The following MAPRE2 variants were observed in gnomAD, a reference collection of about 807,000 sequenced individuals.
MAPRE2 encodes the protein microtubule associated protein RP/EB family member 2, also known as microtubule-associated protein RP/EB family member 2.
A neutral mutation model predicts 43.2 loss-of-function variants in MAPRE2; 13 were observed. The ratio of observed to expected loss-of-function variants is 0.30; its 90% confidence interval spans 0.20 to 0.48. The LOEUF is 0.48. Among genes scored for constraint, MAPRE2 ranks in the 20% least tolerant of loss-of-function variants. MAPRE2 has a pLI of 0.99. For missense variants in MAPRE2, 161 were observed against 400.2 expected (o/e 0.40, Z 5.10); for synonymous variants, 135 against 148.8 (o/e 0.91, Z 0.68).
At chr18:35,076,141 G>A (rs924246133) in intron 2 of MAPRE2, among the ~76,000 whole-genome samples, 5 of 152,064 alleles carry the variant, frequency 3.3e-5, no homozygotes, top group African/African-American at 1.2e-4. Flanking sequence ...CCACATCTTC[G>A]TTTATGTCCT....
At chr18:35,060,214 G>A (rs757837251) in intron 1 of MAPRE2, among the ~76,000 whole-genome samples, 1 of 152,150 alleles carries the variant, frequency 6.6e-6, no homozygotes, top group African/African-American at 2.4e-5. Context: ...CAGGGTAAGA[G>A]GGAACGAGGC....
intron 2 of MAPRE2, among the ~76,000 whole-genome samples, chr18:35,086,590 T>C (rs562473367): frequency 5.9e-5 from 9 of 152,120 alleles, no homozygotes; most frequent in African/African-American, 2.2e-4. Flanking sequence ...TTTCTAAAAC[T>C]TAATCTATAA....
intron 3 of MAPRE2, among the ~76,000 whole-genome samples, chr18:35,099,816 G>C (rs189867808): frequency 6.6e-6 from 1 of 151,972 alleles, no homozygotes; most frequent in Non-Finnish European, 1.5e-5. Flanking sequence ...TTTGTACTTG[G>C]TTTAGTTTCT....
rs1603389628 is a variant in MAPRE2 at position 35,009,754 on chromosome 18, T to A, written c.-8+4201T>A. Among the ~76,000 whole-genome samples, 4 of 152,218 alleles carry A rather than the reference T, an allele frequency of 2.6e-5. No individual in the cohort carries two copies. The South Asian group carries it at 8.3e-4, about 32-fold the overall frequency. On this transcript the variant is annotated intron_variant, in intron 2 of 7. Transcript: ENST00000413393. ...GATGATGGAAGTAAATCACTAAAAA[T>A]TGTGGGTTTCATTTGTGTTTTGTCT...
chr18:35,071,402 A>T (rs138621784), intron 2 of MAPRE2, among the ~76,000 whole-genome samples: 1 of 152,184 alleles, frequency 6.6e-6, no homozygotes, highest in African/African-American at 2.4e-5. Context: ...AAAACAAAAA[A>T]TATGCTGCTA....
At chr18:35,121,694 T>C (rs1355248027) in intron 4 of MAPRE2, among the ~76,000 whole-genome samples, 1 of 152,204 alleles carries the variant, frequency 6.6e-6, no homozygotes, top group Admixed American at 6.5e-5. Context: ...AAAGCTGTTA[T>C]GTAAATGTTT....
rs1250568948 is a variant in MAPRE2 at position 35,043,919 on chromosome 18, C to T, written c.122+2258C>T. 3.3e-5 allele frequency among the ~76,000 whole-genome samples: 5 copies of T among 152,196 alleles called. No homozygotes were observed. In the East Asian group the frequency reaches 9.7e-4, roughly 29 times the overall value. ...GGAAAAATGTGACACATTTTTCTATCCAGGAAGCATTCCATCATTATTTTG... is the reference window on the plus strand; with the variant it reads ...GGAAAAATGTGACACATTTTTCTATTCAGGAAGCATTCCATCATTATTTTG... On this transcript the variant is annotated intron_variant, in intron 1 of 6. Transcript: ENST00000300249.
At chr18:35,002,094 C>T (rs2097029667) in intron 1 of MAPRE2, among the ~76,000 whole-genome samples, 1 of 152,152 alleles carries the variant, frequency 6.6e-6, no homozygotes, top group South Asian at 2.1e-4. Flanking sequence ...CCCTCCAGCC[C>T]TCACCCCCTC....
At chr18:34,990,734 T>C (rs2097023340) in intron 1 of MAPRE2, among the ~76,000 whole-genome samples, 1 of 152,128 alleles carries the variant, frequency 6.6e-6, no homozygotes, top group Non-Finnish European at 1.5e-5. Context: ...TATTAAGATT[T>C]ATCAGGCTGG....
intron 2 of MAPRE2, among the ~76,000 whole-genome samples, chr18:35,014,062 A>T (rs1455912588): frequency 6.6e-6 from 1 of 152,106 alleles, no homozygotes; most frequent in Non-Finnish European, 1.5e-5. Context: ...AAGAGGGGAG[A>T]CCATAGCCCT....
intron 1 of MAPRE2, among the ~76,000 whole-genome samples, chr18:34,986,670 G>A (rs2097021179): frequency 6.6e-6 from 1 of 152,164 alleles, no homozygotes; most frequent in Admixed American, 6.5e-5. Context: ...TCCCTCTACA[G>A]TTGAAATGTT....
At chr18:35,007,729 G>C (rs1208598872) in intron 2 of MAPRE2, among the ~76,000 whole-genome samples, 2 of 152,142 alleles carry the variant, frequency 1.3e-5, no homozygotes, top group Non-Finnish European at 2.9e-5. Context: ...ATCCCTTCTG[G>C]GTTGCACCCT....
chr18:35,122,946 A>G (rs956587718), intron 4 of MAPRE2, among the ~76,000 whole-genome samples: 1 of 152,254 alleles, frequency 6.6e-6, no homozygotes, highest in Non-Finnish European at 1.5e-5. Flanking sequence ...GGAAGAAAAC[A>G]AAACAAAACC....
intron 4 of MAPRE2, among the ~76,000 whole-genome samples, chr18:35,106,243 A>C (rs1286816617): frequency 6.6e-6 from 1 of 152,122 alleles, no homozygotes; most frequent in African/African-American, 2.4e-5. Flanking sequence ...GTATCATCAA[A>C]AACAGGTGAT....
chr18:35,047,758 C>T (rs1048283210), intron 1 of MAPRE2, among the ~76,000 whole-genome samples: 17 of 150,966 alleles, frequency 1.1e-4, no homozygotes, highest in Non-Finnish European at 2.5e-4. Flanking sequence ...GTCAAATCTC[C>T]CCAAGTGAAT....
chr18:35,081,231 C>A (rs1907615635), intron 2 of MAPRE2, among the ~76,000 whole-genome samples: 1 of 152,046 alleles, frequency 6.6e-6, no homozygotes, highest in Non-Finnish European at 1.5e-5. Flanking sequence ...TTATTCCATT[C>A]TTTTATTTCT....
chr18:35,083,137 A>G (rs1164227389), intron 2 of MAPRE2, among the ~76,000 whole-genome samples: 1 of 152,170 alleles, frequency 6.6e-6, no homozygotes, highest in South Asian at 2.1e-4. Flanking sequence ...TCAGATTCTT[A>G]CCTTCTACTC....
Position 35,127,106 on chromosome 18 carries a change from C to T in MAPRE2, c.750+19C>T. 6.2e-7 allele frequency: 1 copy of T among 1,613,842 alleles called. No homozygotes were observed. Among genetic ancestry groups the T allele is most frequent in the South Asian group, 1.1e-5 (1 of 91,046 alleles). ...TGAACAGGTAATGCATCAGCTCTGG[C>T]CACGCCTCTAGGAGCAGTGACGTGT... On this transcript the variant is annotated intron_variant, in intron 5 of 6. Coordinates refer to ENST00000300249, the MANE Select transcript of MAPRE2 (RefSeq NM_014268.4).
chr18:35,064,361 G>C (rs115642785), intron 1 of MAPRE2, among the ~76,000 whole-genome samples: 5,019 of 138,290 alleles, frequency 0.036, 141 homozygotes, highest in African/African-American at 0.097. Context: ...CCTCCAAAAT[G>C]AGTGATCGGT....
Sources: gnomAD v4.1 joint callset for allele counts (sites outside exome capture counted in the v4.1 genomes callset) on GRCh38, gnomAD v4.1.1 for gene constraint, MANE v1.5 for transcripts, NCBI Gene and HGNC (gene_info 2026-07-23, HGNC 2026-07-21) for gene names.